TMEM132D: variants seen among roughly 807,000 people sequenced by gnomAD.
The protein encoded by TMEM132D is mature OL transmembrane protein.
In TMEM132D, 21 loss-of-function variants were observed where a neutral mutation model predicts 62.3. The ratio of observed to expected loss-of-function variants is 0.34; its 90% confidence interval spans 0.24 to 0.49. TMEM132D has a LOEUF of 0.49. Among genes scored for constraint, TMEM132D ranks in the 20% least tolerant of loss-of-function variants. The probability of loss-of-function intolerance (pLI) is 0.99; values close to 1 mark genes in which losing one functional copy is unlikely to be tolerated. For missense variants in TMEM132D, 1,346 were observed against 1,402.8 expected, an observed-to-expected ratio of 0.96 and a Z score of 0.65; for synonymous variants, 621 against 575.6, an observed-to-expected ratio of 1.08 and a Z score of -1.13.
chr12:129,297,027 C>G lies in TMEM132D; in HGVS notation c.1299+40607G>C, dbSNP rs116424598. ...GCAGGGTGCTAATTCCTCTCTGCCTCTGGGTAAAATGTATGTGCCTGTCCA... is the reference window on the plus strand; with the variant it reads ...GCAGGGTGCTAATTCCTCTCTGCCTGTGGGTAAAATGTATGTGCCTGTCCA... On this transcript the variant is annotated intron_variant, in intron 4 of 8. Transcript: ENST00000422113. Among the ~76,000 whole-genome samples, 470 of 152,292 alleles carry G rather than the reference C, an allele frequency of 3.1e-3. 3 individuals carry two copies. The highest frequency in any genetic ancestry group is 0.01 in the African/African-American group (430 of 41,564).
chr12:129,079,044 C>T (rs1251814687), intron 7 of TMEM132D, among the ~76,000 whole-genome samples: 1 of 152,168 alleles, frequency 6.6e-6, no homozygotes, highest in Non-Finnish European at 1.5e-5. Flanking sequence ...TTTCATTCGA[C>T]TATTAGCTTT....
At chr12:129,719,687 T>TA (rs1868742096) in intron 1 of TMEM132D, among the ~76,000 whole-genome samples, 1 of 152,230 alleles carries the variant, frequency 6.6e-6, no homozygotes, top group South Asian at 2.1e-4. Context: ...AAATTAGTTA[T>TA]TCGACCAGAA....
intron 5 of TMEM132D, among the ~76,000 whole-genome samples, chr12:129,148,462 G>A (rs989395216): frequency 1.3e-5 from 2 of 152,112 alleles, no homozygotes; most frequent in African/African-American, 2.4e-5. Flanking sequence ...AGTAGGCTGT[G>A]TTGTTGGTTT....
At chr12:129,223,562 T>C (rs1879404397) in intron 4 of TMEM132D, among the ~76,000 whole-genome samples, 1 of 152,188 alleles carries the variant, frequency 6.6e-6, no homozygotes, top group Non-Finnish European at 1.5e-5. Flanking sequence ...CGGAGCCATA[T>C]GGCAGAACAT....
rs1241607518 is a variant in TMEM132D at position 129,581,404 on chromosome 12, A to T, written c.969-50199T>A. 2.0e-5 allele frequency among the ~76,000 whole-genome samples: 3 copies of T among 152,202 alleles called. No individual in the cohort carries two copies. The East Asian group carries it at 5.8e-4, about 29-fold the overall frequency. Reference sequence around the variant, plus strand: ...ATTGACTCATATGATCACAAGGTGAAGTCCCACCATAGGCCGTCTGGAAGC... The same window carrying T: ...ATTGACTCATATGATCACAAGGTGATGTCCCACCATAGGCCGTCTGGAAGC... On this transcript the variant is annotated intron_variant, in intron 2 of 8. Coordinates refer to ENST00000422113, the MANE Select transcript of TMEM132D (RefSeq NM_133448.3).
chr12:129,230,400 C>T (rs1321074121), intron 4 of TMEM132D, among the ~76,000 whole-genome samples: 1 of 152,220 alleles, frequency 6.6e-6, no homozygotes, highest in East Asian at 1.9e-4. Flanking sequence ...GTCCTCCAAC[C>T]CCACTGATGA....
chr12:129,718,325 G>T (rs1274301548), intron 1 of TMEM132D, among the ~76,000 whole-genome samples: 2 of 152,198 alleles, frequency 1.3e-5, no homozygotes, highest in East Asian at 3.9e-4. Context: ...CATGTCCCTG[G>T]ACCACTGCAG....
At chr12:129,095,787 G>T (rs778756477) in intron 5 of TMEM132D, among the ~76,000 whole-genome samples, 44 of 152,226 alleles carry the variant, frequency 2.9e-4, no homozygotes, top group Non-Finnish European at 5.1e-4. Flanking sequence ...AACCAAACCC[G>T]CACACACCTA....
intron 2 of TMEM132D, among the ~76,000 whole-genome samples, chr12:129,617,498 T>G (rs1243065044): frequency 6.6e-6 from 1 of 152,204 alleles, no homozygotes; most frequent in Admixed American, 6.5e-5. Context: ...AATGTCTTAC[T>G]GTTCCGGGGG....
chr12:129,790,057 G>A (rs1871358652), intron 1 of TMEM132D, among the ~76,000 whole-genome samples: 1 of 152,204 alleles, frequency 6.6e-6, no homozygotes, highest in Non-Finnish European at 1.5e-5. Context: ...CGCCAGCAGG[G>A]ATGGACTCCA....
chr12:129,182,850 C>T (rs1178183476), intron 5 of TMEM132D, among the ~76,000 whole-genome samples: 1 of 152,190 alleles, frequency 6.6e-6, no homozygotes, highest in African/African-American at 2.4e-5. Context: ...CTAAAACAAC[C>T]ACCACTGTAT....
intron 3 of TMEM132D, among the ~76,000 whole-genome samples, chr12:129,380,806 G>C (rs1173003874): frequency 6.6e-6 from 1 of 152,110 alleles, no homozygotes; most frequent in Non-Finnish European, 1.5e-5. Context: ...TGTTACGTAA[G>C]TGGAATTATA....
intron 5 of TMEM132D, among the ~76,000 whole-genome samples, chr12:129,102,892 A>G (rs1875360383): frequency 6.6e-6 from 1 of 152,234 alleles, no homozygotes; most frequent in Non-Finnish European, 1.5e-5. Context: ...TCTTGGGAAG[A>G]TAGAGGCTGC....
At chr12:129,326,152 A>T (rs150523999) in intron 4 of TMEM132D, among the ~76,000 whole-genome samples, 2 of 152,180 alleles carry the variant, frequency 1.3e-5, no homozygotes, top group East Asian at 3.9e-4. Context: ...TCCCGTGGAC[A>T]CTCTCCATGG....
rs547435577 is a variant in TMEM132D at position 129,504,572 on chromosome 12, T to C, written c.1115+26487A>G. 3.9e-5 allele frequency among the ~76,000 whole-genome samples: 6 copies of C among 152,320 alleles called. No individual in the cohort carries two copies. In the South Asian group the frequency reaches 1.0e-3, roughly 26 times the overall value. On this transcript the variant is annotated intron_variant, in intron 3 of 8. Transcript: ENST00000422113. ...TATTTCTGTGGTGTCAGTTGTAATA[T>C]CCTCTGTTTCATTTGTAATTGAGTT...
At chr12:129,127,621 G>A (rs1186089890) in intron 5 of TMEM132D, among the ~76,000 whole-genome samples, 2 of 152,122 alleles carry the variant, frequency 1.3e-5, no homozygotes, top group East Asian at 3.9e-4. Flanking sequence ...TTGTCACCCA[G>A]GTTTTTGGAC....
intron 3 of TMEM132D, among the ~76,000 whole-genome samples, chr12:129,448,409 G>T (rs1041064087): frequency 6.6e-6 from 1 of 152,064 alleles, no homozygotes; most frequent in African/African-American, 2.4e-5. Flanking sequence ...AGTGGGTGCT[G>T]TTCCCCTCAG....
intron 5 of TMEM132D, 146 bp from the exon 6 acceptor site, chr12:129,084,848 G>A: frequency 3.0e-6 from 2 of 672,606 alleles, no homozygotes; most frequent in Non-Finnish European, 5.0e-6. Context: ...TCCTGGTATG[G>A]AGCAGACATT....
chr12:129,173,959 G>T (rs977111668), intron 5 of TMEM132D, among the ~76,000 whole-genome samples: 1 of 152,084 alleles, frequency 6.6e-6, no homozygotes, highest in Non-Finnish European at 1.5e-5. Flanking sequence ...TCAAATTTTG[G>T]AGTAATTTTA....
Sources: gnomAD v4.1 joint callset for allele counts (sites outside exome capture counted in the v4.1 genomes callset) on GRCh38, gnomAD v4.1.1 for gene constraint, MANE v1.5 for transcripts, NCBI Gene and HGNC (gene_info 2026-07-23, HGNC 2026-07-21) for gene names.